Variants in RBFOX1 observed in about 807,000 individuals in gnomAD.
The protein encoded by RBFOX1 is RNA binding protein fox-1 homolog 1.
RBFOX1 carries 8 observed loss-of-function variants against 57.7 expected under a neutral mutation model. The ratio of observed to expected loss-of-function variants is 0.14; its 90% confidence interval spans 0.08 to 0.25. RBFOX1 has a LOEUF of 0.25. RBFOX1 is among the 10% of genes least tolerant of loss of function. The pLI, the probability that RBFOX1 is intolerant of heterozygous loss-of-function variation, is 1.00. For missense variants in RBFOX1, 611 were observed against 548.5 expected (o/e 1.11, Z -1.14); for synonymous variants, 326 against 222.4 (o/e 1.47, Z -4.15).
At chr16:7,321,651 G>T (rs189171681) in intron 4 of RBFOX1, among the ~76,000 whole-genome samples, 8 of 152,268 alleles carry the variant, frequency 5.3e-5, no homozygotes, top group Non-Finnish European at 7.4e-5. Flanking sequence ...AAGATTAAGT[G>T]AGTTAATATA....
At chr16:6,941,230 C>T (rs971555088) in intron 3 of RBFOX1, among the ~76,000 whole-genome samples, 3 of 143,266 alleles carry the variant, frequency 2.1e-5, no homozygotes, top group African/African-American at 7.5e-5. Flanking sequence ...CATTACCTCC[C>T]TCCCTCCATC....
intron 1 of RBFOX1, among the ~76,000 whole-genome samples, chr16:6,269,952 G>A (rs1180466219): frequency 6.6e-6 from 1 of 152,096 alleles, no homozygotes; most frequent in Non-Finnish European, 1.5e-5. Context: ...AATGGGGAGA[G>A]GAAGGGAACA....
At chr16:6,016,374 G>T (rs2094993826), upstream of RBFOX1, among the ~76,000 whole-genome samples, 1 of 152,154 alleles carries the variant, frequency 6.6e-6, no homozygotes, top group Non-Finnish European at 1.5e-5. Context: ...GGTATTCCTG[G>T]TTGGAGGAAC....
At chr16:6,031,903 A>T (rs1453823877) in intron 1 of RBFOX1, among the ~76,000 whole-genome samples, 1 of 152,166 alleles carries the variant, frequency 6.6e-6, no homozygotes, top group African/African-American at 2.4e-5. Flanking sequence ...CCTTATGAAC[A>T]TATCTTCATA....
intron 1 of RBFOX1, among the ~76,000 whole-genome samples, chr16:6,269,873 A>T (rs1181850091): frequency 6.6e-6 from 1 of 152,192 alleles, no homozygotes; most frequent in Non-Finnish European, 1.5e-5. Context: ...TCTTTAAGCA[A>T]AAATTATAAT....
intron 2 of RBFOX1, among the ~76,000 whole-genome samples, chr16:5,503,197 GTCC>G (rs2043259235): frequency 6.6e-6 from 1 of 152,144 alleles, no homozygotes; most frequent in Non-Finnish European, 1.5e-5. Flanking sequence ...GTGCCACAGT[GTCC>G]TCCTCTGTGC....
rs531456574 is a variant in RBFOX1, at chr16:6,628,413, A to T, written c.-63-26190A>T. ...CATTTTGTTGTAATTGCAGATGTAT[A>T]TGTATGAGGCTGGTTTTCAAATATA... is the stretch of plus-strand genomic sequence containing the variant. On this transcript the variant is annotated intron_variant, in intron 2 of 15. Transcript: ENST00000550418. Among the ~76,000 whole-genome samples the T allele has an allele frequency of 4.6e-5, 7 of 152,328 alleles. No individual in the cohort carries two copies. The South Asian group carries it at 1.4e-3, about 32-fold the overall frequency.
chr16:7,369,607 A>G (rs145448895), intron 4 of RBFOX1, among the ~76,000 whole-genome samples: 151 of 152,280 alleles, frequency 9.9e-4, no homozygotes, highest in African/African-American at 3.4e-3. Context: ...GATTATCTCA[A>G]TACTTTTGTC....
chr16:6,386,523 C>T lies in RBFOX1; in HGVS notation c.-64+69466C>T, dbSNP rs535305920. On this transcript the variant is annotated intron_variant, in intron 2 of 15. Coordinates refer to ENST00000550418, the MANE Select transcript of RBFOX1 (RefSeq NM_018723.4). ...ACCAAACATGATTCCTGCACCTTTT[C>T]GAGCTTATATTTGGTGGAAAGGATA... Among the ~76,000 whole-genome samples, 139 of 152,180 alleles carry T rather than the reference C, an allele frequency of 9.1e-4. 2 individuals carry two copies. The highest frequency in any genetic ancestry group is 2.7e-3 in the African/African-American group (112 of 41,512).
intron 3 of RBFOX1, among the ~76,000 whole-genome samples, chr16:6,735,174 ACAACAACATC>A (rs1284260194): frequency 1.3e-5 from 2 of 152,090 alleles, no homozygotes; most frequent in African/African-American, 4.8e-5. Context: ...AACATCAACA[ACAACAACATC>A]AACAACGAAA....
chr16:7,421,946 A>G (rs994183915), intron 4 of RBFOX1, among the ~76,000 whole-genome samples: 2 of 152,212 alleles, frequency 1.3e-5, no homozygotes, highest in African/African-American at 2.4e-5. Context: ...TGTCATGCCC[A>G]GTCCCTAAAG....
At chr16:6,993,329 AG>A (rs2091799646) in intron 3 of RBFOX1, among the ~76,000 whole-genome samples, 1 of 152,234 alleles carries the variant, frequency 6.6e-6, no homozygotes, top group Admixed American at 6.5e-5. Context: ...ATAACACATC[AG>A]TAGTATTAAA....
At chr16:6,559,752 T>C (rs2097155200) in intron 2 of RBFOX1, among the ~76,000 whole-genome samples, 2 of 152,094 alleles carry the variant, frequency 1.3e-5, no homozygotes, top group Non-Finnish European at 2.9e-5. Flanking sequence ...TTTATATCCA[T>C]ATATTGAACA....
At chr16:6,982,901 G>T (rs758670279) in intron 3 of RBFOX1, among the ~76,000 whole-genome samples, 4 of 148,594 alleles carry the variant, frequency 2.7e-5, no homozygotes, top group Non-Finnish European at 5.9e-5. Flanking sequence ...GCTGAGGCAG[G>T]GAGAACAACT....
chr16:5,895,501 C>T (rs1323179501), intron 4 of RBFOX1, among the ~76,000 whole-genome samples: 1 of 152,210 alleles, frequency 6.6e-6, no homozygotes, highest in Middle Eastern at 3.2e-3. Flanking sequence ...TGCCAGAGGA[C>T]TCTGCGTTTT....
intron 3 of RBFOX1, among the ~76,000 whole-genome samples, chr16:5,630,756 C>A (rs777430779): frequency 6.6e-6 from 1 of 152,148 alleles, no homozygotes; most frequent in African/African-American, 2.4e-5. Context: ...GAGGGCCAGG[C>A]TCTAACTCTC....
At chr16:6,653,217 A>G (rs1294176776) in intron 2 of RBFOX1, among the ~76,000 whole-genome samples, 2 of 151,920 alleles carry the variant, frequency 1.3e-5, no homozygotes, top group Non-Finnish European at 2.9e-5. Context: ...GTATTCCCCT[A>G]CCCTCAGCAT....
intron 3 of RBFOX1, among the ~76,000 whole-genome samples, chr16:6,769,256 G>A (rs565431619): frequency 3.1e-4 from 47 of 152,242 alleles, no homozygotes; most frequent in African/African-American, 9.1e-4. Context: ...TGCTGCCATC[G>A]ATGTAAGATG....
chr16:5,944,510 G>A (rs922423959), intron 4 of RBFOX1, among the ~76,000 whole-genome samples: 1 of 152,118 alleles, frequency 6.6e-6, no homozygotes, highest in South Asian at 2.1e-4. Flanking sequence ...GCAAGGCTTT[G>A]TATTAAGCTA....
Sources: allele counts gnomAD v4.1 joint callset (sites outside exome capture counted in the v4.1 genomes callset), GRCh38; gene constraint gnomAD v4.1.1; transcripts MANE v1.5; gene names NCBI Gene and HGNC (gene_info 2026-07-23, HGNC 2026-07-21).